Variants in KLF8 observed in about 807,000 individuals in gnomAD.
KLF8 encodes the protein Krueppel-like factor 8.
In KLF8, 10 loss-of-function variants were observed where a neutral mutation model predicts 18.2. The ratio of observed to expected loss-of-function variants is 0.55; its 90% CI spans 0.34 to 0.93. The LOEUF is 0.93. Ranked by LOEUF, KLF8 falls within the 40% of genes least tolerant of loss-of-function variation. The probability of loss-of-function intolerance (pLI) is 0.02; values close to 1 mark genes in which losing one functional copy is unlikely to be tolerated. For missense variants in KLF8, 264 were observed against 277.9 expected, an observed-to-expected ratio of 0.95 and a Z score of 0.36; for synonymous variants, 109 against 97.3, an observed-to-expected ratio of 1.12 and a Z score of -0.71.
chrX:56,178,724 C>A, the KLF8 span, among the ~76,000 whole-genome samples: 1 of 112,067 alleles, frequency 8.9e-6, no homozygotes. Flanking sequence ...TTCCCAGCAC[C>A]CTTTGTTAAA....
chrX:56,185,565 A>G, the KLF8 span, among the ~76,000 whole-genome samples: 3 of 111,540 alleles, frequency 2.7e-5, no homozygotes, highest in Non-Finnish European at 5.6e-5. Context: ...TCCAAGACAC[A>G]TAATTGTCAG....
chrX:55,971,731 A>G, the KLF8 span, among the ~76,000 whole-genome samples: 2 of 111,169 alleles, frequency 1.8e-5, no homozygotes, highest in East Asian at 5.6e-4. Context: ...TAATAATCTG[A>G]TCAAAACATG....
the KLF8 span, among the ~76,000 whole-genome samples, chrX:55,915,490 G>C: frequency 9.0e-6 from 1 of 111,728 alleles, no homozygotes; most frequent in East Asian, 2.8e-4. Context: ...ATAGATGAAA[G>C]ATCTAAGAAG....
the KLF8 span, among the ~76,000 whole-genome samples, chrX:56,079,460 G>C: frequency 3.6e-5 from 4 of 111,764 alleles, no homozygotes; most frequent in Non-Finnish European, 7.5e-5. Flanking sequence ...TTTTGCGTGA[G>C]ATTCTTAATC....
intron 3 of KLF8, chrX:56,266,497 T>A (rs1009690218): frequency 6.0e-5 from 45 of 748,152 alleles, no homozygotes; most frequent in Non-Finnish European, 6.9e-5. Context: ...TTGCAACAGA[T>A]AATTTGATGA....
At chrX:56,060,089 G>A in the KLF8 span, among the ~76,000 whole-genome samples, 1 of 111,717 alleles carries the variant, frequency 9.0e-6, no homozygotes, top group Non-Finnish European at 1.9e-5. Context: ...ATTTGGGGCT[G>A]AGATGACAGG....
the KLF8 span, among the ~76,000 whole-genome samples, chrX:56,199,533 A>G: frequency 9.0e-6 from 1 of 111,713 alleles, no homozygotes; most frequent in Non-Finnish European, 1.9e-5. Context: ...AAATCCCAAT[A>G]CCATGTCACG....
the KLF8 span, among the ~76,000 whole-genome samples, chrX:56,156,604 G>T: frequency 5.5e-5 from 6 of 109,199 alleles, no homozygotes; most frequent in South Asian, 2.4e-3. Context: ...TTAAGTTTTA[G>T]GGTACAAGTG....
chrX:56,078,449 G>T, the KLF8 span, among the ~76,000 whole-genome samples: 1 of 111,951 alleles, frequency 8.9e-6, no homozygotes, highest in Non-Finnish European at 1.9e-5. Context: ...TACATTTATT[G>T]ATTTGCATAT....
intron 1 of KLF8, among the ~76,000 whole-genome samples, chrX:56,248,605 A>T (rs1021484380): frequency 6.3e-5 from 7 of 111,602 alleles, no homozygotes; most frequent in Non-Finnish European, 1.3e-4. Context: ...GTGTTGTGTG[A>T]ATGCAGAGGG....
the KLF8 span, among the ~76,000 whole-genome samples, chrX:56,085,919 G>A: frequency 6.3e-5 from 7 of 111,926 alleles, no homozygotes; most frequent in East Asian, 2.8e-4. Context: ...CTATCACTGC[G>A]TCATGAGTTC....
chrX:56,078,992 C>T, the KLF8 span, among the ~76,000 whole-genome samples: 1 of 76,746 alleles, frequency 1.3e-5, no homozygotes, highest in Non-Finnish European at 3.7e-5. Context: ...GGTGATATCC[C>T]CTTTATCATT....
the KLF8 span, among the ~76,000 whole-genome samples, chrX:56,203,213 T>C: frequency 8.9e-6 from 1 of 112,533 alleles, no homozygotes; most frequent in Non-Finnish European, 1.9e-5. Flanking sequence ...CTGTTTGCTA[T>C]TTGTATGTCT....
the KLF8 span, among the ~76,000 whole-genome samples, chrX:55,973,132 A>T: frequency 1.8e-5 from 2 of 112,267 alleles, no homozygotes; most frequent in African/African-American, 6.5e-5. Flanking sequence ...AGTAGTGGTG[A>T]TAGCATAACT....
At chrX:56,187,641 C>A in the KLF8 span, among the ~76,000 whole-genome samples, 2 of 111,035 alleles carry the variant, frequency 1.8e-5, no homozygotes, top group Admixed American at 9.6e-5. Flanking sequence ...ACTGGCAAAC[C>A]GAGTCCAGCA....
the KLF8 span, among the ~76,000 whole-genome samples, chrX:56,091,771 A>G: frequency 8.9e-6 from 1 of 112,204 alleles, no homozygotes; most frequent in Non-Finnish European, 1.9e-5. Context: ...CTGGAATTAC[A>G]GGCATGAGCC....
chrX:56,191,569 G>A, the KLF8 span, among the ~76,000 whole-genome samples: 2 of 111,426 alleles, frequency 1.8e-5, no homozygotes, highest in African/African-American at 3.2e-5. Context: ...GTAGCAGAAA[G>A]AATTCAACAA....
At chrX:56,219,532 T>C in the KLF8 span, among the ~76,000 whole-genome samples, 3 of 111,751 alleles carry the variant, frequency 2.7e-5, no homozygotes, top group African/African-American at 6.5e-5. Context: ...AAAATGAAAA[T>C]AAAAGTGCTT....
the KLF8 span, among the ~76,000 whole-genome samples, chrX:56,095,062 A>G: frequency 1.8e-5 from 2 of 111,514 alleles, no homozygotes; most frequent in Admixed American, 1.9e-4. Context: ...TGAGAAAAAA[A>G]TGGACAAAGC....
Sources: allele counts gnomAD v4.1 joint callset (sites outside exome capture counted in the v4.1 genomes callset), GRCh38; gene constraint gnomAD v4.1.1; transcripts MANE v1.5; gene names NCBI Gene and HGNC (gene_info 2026-07-23, HGNC 2026-07-21).